PCDH15: variants seen among roughly 807,000 people sequenced by gnomAD.
PCDH15 encodes the protein protocadherin related 15.
In PCDH15, 129 loss-of-function variants were observed where a neutral mutation model predicts 178.5. The ratio of observed to expected loss-of-function variants is 0.72; its 90% CI spans 0.63 to 0.84. The LOEUF is 0.84. Among genes scored for constraint, PCDH15 ranks in the 40% least tolerant of loss-of-function variants. The pLI, the probability that PCDH15 is intolerant of heterozygous loss-of-function variation, is 0.00. For synonymous variants in PCDH15, 800 were observed against 732.0 expected, an observed-to-expected ratio of 1.09 and a Z score of -1.50; for missense variants, 2,230 against 2,099.9, an observed-to-expected ratio of 1.06 and a Z score of -1.21.
At chr10:54,959,574 G>T (rs1838588715) in intron 2 of PCDH15, among the ~76,000 whole-genome samples, 1 of 151,986 alleles carries the variant, frequency 6.6e-6, no homozygotes, top group African/African-American at 2.4e-5. Flanking sequence ...CTTAGGCAAG[G>T]AAATTAATAT....
intron 2 of PCDH15, among the ~76,000 whole-genome samples, chr10:55,623,439 GA>G (rs1240927951): frequency 6.6e-6 from 1 of 152,024 alleles, no homozygotes; most frequent in Non-Finnish European, 1.5e-5. Context: ...TCCTGTTAAG[GA>G]ATCCATTAAA....
At chr10:54,352,939 C>T (rs546323880) in intron 5 of PCDH15, among the ~76,000 whole-genome samples, 1 of 152,054 alleles carries the variant, frequency 6.6e-6, no homozygotes, top group Non-Finnish European at 1.5e-5. Flanking sequence ...TTAATCCCTG[C>T]CTTGGAAATA....
At chr10:54,965,920 A>G (rs936900639) in intron 2 of PCDH15, among the ~76,000 whole-genome samples, 1 of 150,872 alleles carries the variant, frequency 6.6e-6, no homozygotes, top group African/African-American at 2.4e-5. Flanking sequence ...ATGTAAGTGT[A>G]TATTATATAT....
chr10:54,267,250 G>A (rs2057753408), intron 8 of PCDH15, among the ~76,000 whole-genome samples: 1 of 151,646 alleles, frequency 6.6e-6, no homozygotes, highest in Admixed American at 6.6e-5. Flanking sequence ...AAAACCCTCA[G>A]TAGACTAGGC....
intron 15 of PCDH15, among the ~76,000 whole-genome samples, chr10:54,120,408 A>G (rs781293404): frequency 6.6e-6 from 1 of 152,186 alleles, no homozygotes; most frequent in Non-Finnish European, 1.5e-5. Context: ...AAAATTTCAC[A>G]TATCAATATT....
At chr10:55,520,406 AT>A (rs1211760965) in intron 2 of PCDH15, among the ~76,000 whole-genome samples, 1 of 146,252 alleles carries the variant, frequency 6.8e-6, no homozygotes, top group African/African-American at 2.5e-5. Context: ...TGTAACTACT[AT>A]TTATAAATGA....
chr10:54,498,494 C>T lies in PCDH15; in HGVS notation c.157+29318G>A, dbSNP rs184628506. ...TGTAAATGGGCTAAACACAGAATGG[C>T]AAGTTGGATAAAGAAGCAAGACCTA... is the stretch of plus-strand genomic sequence containing the variant. On this transcript the variant is annotated intron_variant, in intron 3 of 37. Coordinates refer to ENST00000644397, the MANE Select transcript of PCDH15 (RefSeq NM_001384140.1). 4.6e-5 allele frequency among the ~76,000 whole-genome samples: 7 copies of T among 152,122 alleles called. No individual in the cohort carries two copies. In the East Asian group the frequency reaches 1.4e-3, roughly 30 times the overall value.
At chr10:54,466,378 T>G (rs745618536) in intron 3 of PCDH15, among the ~76,000 whole-genome samples, 6 of 152,002 alleles carry the variant, frequency 3.9e-5, no homozygotes, top group African/African-American at 1.4e-4. Context: ...AAGGGTCCTT[T>G]TCATTCTTTC....
intron 1 of PCDH15, among the ~76,000 whole-genome samples, chr10:54,697,534 T>TATATATATATATATATATAC (rs1256170283): frequency 1.6e-4 from 24 of 150,724 alleles, no homozygotes; most frequent in African/African-American, 5.4e-4. Context: ...TATATATATA[T>TATATATATATATATATATAC]ACCTCTTTAC....
At chr10:54,225,291 C>T (rs713273) in intron 9 of PCDH15, among the ~76,000 whole-genome samples, 8,315 of 152,176 alleles carry the variant, frequency 0.055, 562 homozygotes, top group African/African-American at 0.17. Context: ...GTACATGATA[C>T]GTTCATATCT....
intron 17 of PCDH15, among the ~76,000 whole-genome samples, chr10:54,067,972 A>AT (rs1009750315): frequency 5.5e-4 from 77 of 140,582 alleles, no homozygotes; most frequent in African/African-American, 1.6e-3. Context: ...TTTATTTTTT[A>AT]TTTTTTTTTA....
intron 15 of PCDH15, among the ~76,000 whole-genome samples, chr10:54,113,222 T>C (rs1414844393): frequency 1.3e-5 from 2 of 152,212 alleles, no homozygotes; most frequent in African/African-American, 2.4e-5. Flanking sequence ...ATAGTGTACA[T>C]ATAAAACAAA....
intron 1 of PCDH15, among the ~76,000 whole-genome samples, chr10:55,252,085 C>T (rs1412681667): frequency 1.3e-5 from 2 of 152,110 alleles, no homozygotes; most frequent in East Asian, 1.9e-4. Flanking sequence ...CATTCATTGT[C>T]GACCAAGCTT....
chr10:54,743,697 A>C (rs1945100172), intron 1 of PCDH15, among the ~76,000 whole-genome samples: 1 of 152,092 alleles, frequency 6.6e-6, no homozygotes, highest in Non-Finnish European at 1.5e-5. Context: ...GAGGCATAGT[A>C]GCATCCTTAA....
upstream of PCDH15, among the ~76,000 whole-genome samples, chr10:55,323,739 A>G (rs1843962136): frequency 6.6e-6 from 1 of 152,138 alleles, no homozygotes; most frequent in African/African-American, 2.4e-5. Context: ...GGCAGAAGGG[A>G]CTTTTCTCAG....
At chr10:54,189,295 A>C in intron 11 of PCDH15, 5 of 1,352,420 alleles carry the variant, frequency 3.7e-6, no homozygotes, top group Non-Finnish European at 5.2e-6. Context: ...GTGAAGAAAA[A>C]AAAGAACAAG....
chr10:54,545,513 G>T (rs377281054), intron 2 of PCDH15, among the ~76,000 whole-genome samples: 13 of 151,946 alleles, frequency 8.6e-5, no homozygotes, highest in African/African-American at 3.1e-4. Flanking sequence ...TATAATTTTG[G>T]TGTAGCTATA....
chr10:54,257,757 C>T (rs1389976319), intron 8 of PCDH15, among the ~76,000 whole-genome samples: 1 of 152,044 alleles, frequency 6.6e-6, no homozygotes, highest in Non-Finnish European at 1.5e-5. Flanking sequence ...AGTGTGATGT[C>T]ATACAGATAT....
At chr10:54,638,484 AAT>A (rs1257287793) in intron 2 of PCDH15, among the ~76,000 whole-genome samples, 2 of 152,144 alleles carry the variant, frequency 1.3e-5, no homozygotes, top group Non-Finnish European at 2.9e-5. Flanking sequence ...GTCATTCAGT[AAT>A]AACTAAAATC....
Sources: allele counts gnomAD v4.1 joint callset (sites outside exome capture counted in the v4.1 genomes callset), GRCh38; gene constraint gnomAD v4.1.1; transcripts MANE v1.5; gene names NCBI Gene and HGNC (gene_info 2026-07-23, HGNC 2026-07-21).